The following WDR64 variants were observed in gnomAD, a reference collection of about 807,000 sequenced individuals.
WDR64 encodes WD repeat domain 64, also known as WD repeat-containing protein 64.
WDR64 carries 112 observed loss-of-function variants against 139.3 expected under a neutral mutation model. The observed-to-expected ratio is 0.80, with a 90% CI of 0.69 to 0.94. The LOEUF (loss-of-function observed/expected upper bound fraction) is 0.94. Ranked by LOEUF, WDR64 falls within the 40% of genes least tolerant of loss-of-function variation. The pLI, the probability that WDR64 is intolerant of heterozygous loss-of-function variation, is 0.00. For synonymous variants in WDR64, 444 were observed against 437.7 expected, an observed-to-expected ratio of 1.01 and a Z score of -0.18; for missense variants, 1,206 against 1,293.1, an observed-to-expected ratio of 0.93 and a Z score of 1.03.
At position 241,674,582 on chromosome 1, in the gene WDR64, T is replaced by G. The variant is rs1416254275; in HGVS notation, c.380-62T>G. 3.6e-6 allele frequency: 4 copies of G among 1,124,666 alleles called. No homozygotes were observed. The African/African-American group carries it at 6.4e-5, about 18-fold the overall frequency. 69.7% of individuals were successfully genotyped at this position (1,124,666 alleles called of 1,614,324 possible). A position where few individuals can be genotyped will look rare whatever the true frequency, so the allele number is the denominator to read the frequency against. On this transcript the variant is annotated intron_variant, in intron 3 of 27. Coordinates refer to ENST00000437684, the MANE Select transcript of WDR64 (RefSeq NM_001367482.1). ...ATATCATTTTTTAAAAAAACAAATC[T>G]AACAAATGAGTTTCAGCACCTTTAC...
At chr1:241,791,219 G>C (rs1199880943) in intron 25 of WDR64, among the ~76,000 whole-genome samples, 1 of 152,118 alleles carries the variant, frequency 6.6e-6, no homozygotes, top group Non-Finnish European at 1.5e-5. Context: ...CCAGGAGGCA[G>C]GGGTTGCAGT....
intron 7 of WDR64, among the ~76,000 whole-genome samples, chr1:241,685,724 A>C (rs755660769): frequency 9.9e-5 from 15 of 152,226 alleles, no homozygotes; most frequent in Non-Finnish European, 1.6e-4. Flanking sequence ...TAAGAATGGT[A>C]CAATAAAATT....
At chr1:241,778,509 T>C (rs2148312326) in intron 21 of WDR64, among the ~76,000 whole-genome samples, 1 of 152,326 alleles carries the variant, frequency 6.6e-6, no homozygotes, top group Non-Finnish European at 1.5e-5. Flanking sequence ...TAATTGATTA[T>C]TGACATAGTT....
In WDR64 at chr1:241,708,706, TTTTTTG is replaced by T. The variant is rs1340114472; in HGVS notation, c.975-3090_975-3085del. Among the ~76,000 whole-genome samples the T allele has an allele frequency of 2.2e-4, 22 of 100,806 alleles. 5 individuals are homozygous for T. The highest frequency in any genetic ancestry group is 3.5e-4 in the South Asian group (1 of 2,822). 66.1% of individuals were successfully genotyped at this position (100,806 alleles called of 152,430 possible). The stretch of plus-strand genomic sequence containing the variant: ...TGAGGTCCATGGTTTTTTTTTTTGT[TTTTTTG>T]TTTTTTTTTTTAAGGATTGGGTTTC... On this transcript the variant is annotated intron_variant, in intron 8 of 27. Coordinates refer to ENST00000437684, the MANE Select transcript of WDR64 (RefSeq NM_001367482.1).
At position 241,708,281 on chromosome 1, in the gene WDR64, C is replaced by T. The variant is rs1468087926; in HGVS notation, c.975-3521C>T. ...TAATTTTAATTCAGTAATATATGAA[C>T]ATAATTTACAAATAAATGTCAGTGG... On this transcript the variant is annotated intron_variant, in intron 8 of 27. Coordinates refer to ENST00000437684, the MANE Select transcript of WDR64 (RefSeq NM_001367482.1). Among the ~76,000 whole-genome samples, 3 of 152,088 alleles carry T rather than the reference C, an allele frequency of 2.0e-5. No homozygotes were observed. In the East Asian group the frequency reaches 5.8e-4, roughly 29 times the overall value.
intron 15 of WDR64, among the ~76,000 whole-genome samples, chr1:241,758,119 T>C (rs1293104316): frequency 6.6e-6 from 1 of 152,220 alleles, no homozygotes; most frequent in Admixed American, 6.5e-5. Flanking sequence ...GTTGACGCCA[T>C]AGTTTTCCAC....
At chr1:241,662,956 A>T (rs1665888040) in intron 2 of WDR64, among the ~76,000 whole-genome samples, 1 of 152,202 alleles carries the variant, frequency 6.6e-6, no homozygotes, top group Non-Finnish European at 1.5e-5. Flanking sequence ...TTATTTGTGG[A>T]TATTCTACCA....
rs1384052668 is a variant in WDR64 at position 241,656,377 on chromosome 1, C to A, written c.145+3748C>A. On this transcript the variant is annotated intron_variant, in intron 1 of 27. Transcript: ENST00000437684. This position sits in a 1 kb window ranked among gnomAD's most constrained non-coding sequence, Gnocchi z 4.3. ...TTGTTCAAAAGTAATGCTCTTAGAT[C>A]TTGTGAGTGACCTGGGGGAATTAAT... is the stretch of plus-strand genomic sequence containing the variant. Among the ~76,000 whole-genome samples, 7 of 152,172 alleles carry A rather than the reference C, an allele frequency of 4.6e-5. No homozygotes were observed. The highest frequency in any genetic ancestry group is 1.7e-4 in the African/African-American group (7 of 41,446).
intron 18 of WDR64, 143 bp downstream of exon 18, chr1:241,770,833 C>A (rs548850605): frequency 9.7e-5 from 57 of 585,264 alleles, no homozygotes; most frequent in Non-Finnish European, 1.4e-4. Context: ...TATGTAAAAA[C>A]GCATTGTTTT....
chr1:241,718,966 C>T (rs1329806822), intron 9 of WDR64, among the ~76,000 whole-genome samples: 1 of 152,156 alleles, frequency 6.6e-6, no homozygotes, highest in African/African-American at 2.4e-5. Context: ...CCCCCATTTC[C>T]AAACACCATC....
intron 10 of WDR64, among the ~76,000 whole-genome samples, chr1:241,730,699 A>AAT (rs1669043865): frequency 6.6e-6 from 1 of 152,174 alleles, no homozygotes; most frequent in Non-Finnish European, 1.5e-5. Context: ...TATGTCAACC[A>AAT]ATATATGACC....
chr1:241,777,431 T>A (rs76010173), intron 21 of WDR64, among the ~76,000 whole-genome samples: 2 of 131,722 alleles, frequency 1.5e-5, no homozygotes, highest in East Asian at 2.3e-4. Flanking sequence ...TTTTTTTTTT[T>A]AATTAAAACA....
intron 15 of WDR64, among the ~76,000 whole-genome samples, chr1:241,761,679 C>A (rs1375985286): frequency 1.3e-5 from 2 of 152,016 alleles, no homozygotes; most frequent in Non-Finnish European, 2.9e-5. Flanking sequence ...AAATTTCTTT[C>A]AAAAATTGGT....
intron 10 of WDR64, among the ~76,000 whole-genome samples, chr1:241,730,555 G>A (rs999445922): frequency 1.3e-5 from 2 of 152,226 alleles, no homozygotes; most frequent in Middle Eastern, 3.4e-3. Context: ...GCCTCCCTAA[G>A]GTAACTATCT....
At position 241,656,870 on chromosome 1, in the gene WDR64, TTGTGTGTG is replaced by T. The variant is rs199635140; in HGVS notation, c.146-3626_146-3619del. 4.6e-4 allele frequency among the ~76,000 whole-genome samples: 40 copies of T among 86,722 alleles called. No individual in the cohort carries two copies. The highest frequency in any genetic ancestry group is 1.6e-3 in the African/African-American group (35 of 22,500). 56.9% of individuals were successfully genotyped at this position (86,722 alleles called of 152,430 possible). ...AAATGTCTCAAGTCTTTGCCAAATG[TTGTGTGTG>T]TGTGTGTGTGTGTGTGTGTGTGTGT... is the stretch of plus-strand genomic sequence containing the variant. On this transcript the variant is annotated intron_variant, in intron 1 of 27. Coordinates refer to ENST00000437684, the MANE Select transcript of WDR64 (RefSeq NM_001367482.1). The surrounding 1 kb of genome is among the most constrained non-coding windows in gnomAD (Gnocchi z 4.3).
At chr1:241,800,622 G>A (rs1342831105) in intron 27 of WDR64, among the ~76,000 whole-genome samples, 1 of 152,074 alleles carries the variant, frequency 6.6e-6, no homozygotes, top group Admixed American at 6.6e-5. Flanking sequence ...ACTCCAGCCT[G>A]GGTGACAGAG....
Position 241,780,052 on chromosome 1 carries a change from A to G in WDR64, c.2585A>G (p.His862Arg). 1 of 1,587,048 alleles carries G rather than the reference A, an allele frequency of 6.3e-7. No individual in the cohort carries two copies. Among genetic ancestry groups the G allele is most frequent in the Non-Finnish European group, 8.5e-7 (1 of 1,172,690 alleles). ...ATTAGCTCTTTCCTGGATCCACCTC[A>G]TGATGAAAAGGTAAGAACTTCAGTT... ...CNISSFLDPP[H>R]DEKKFKQLLS... is the part of the protein sequence containing the mutation. The change falls in exon 22 of 28, where the codon CAT (histidine) becomes CGT (arginine). Residue 862 changes from histidine to arginine, a missense_variant. By Grantham distance (29) the His-to-Arg change is conservative (BLOSUM62 0). Transcript: ENST00000437684.
intron 15 of WDR64, among the ~76,000 whole-genome samples, 194 bp downstream of exon 15, chr1:241,757,653 T>G (rs866602344): frequency 0.13 from 17,568 of 139,156 alleles, 973 homozygotes; most frequent in African/African-American, 0.17. Flanking sequence ...GGATTTGTTT[T>G]TTTTTTTTTT....
chr1:241,692,945 C>G (rs1667354087), intron 8 of WDR64, among the ~76,000 whole-genome samples: 1 of 152,204 alleles, frequency 6.6e-6, no homozygotes, highest in Non-Finnish European at 1.5e-5. Context: ...AAAAGGGACT[C>G]TCATTCATTG....
Sources: gnomAD v4.1 joint callset for allele counts (sites outside exome capture counted in the v4.1 genomes callset) on GRCh38, gnomAD v4.1.1 for gene constraint, Gnocchi (gnomAD v3.1) non-coding constraint, MANE v1.5 for transcripts, NCBI Gene and HGNC (gene_info 2026-07-23, HGNC 2026-07-21) for gene names.